DPP6: variants seen among roughly 807,000 people sequenced by gnomAD.
The protein encoded by DPP6 is dipeptidyl peptidase like 6, also known as A-type potassium channel modulatory protein DPP6.
In DPP6, 69 loss-of-function variants were observed where a neutral mutation model predicts 122.6. That is an observed-to-expected ratio of 0.56 (90% CI 0.46 to 0.69). DPP6 has a LOEUF of 0.69. DPP6 is among the 30% of genes least tolerant of loss of function. DPP6 has a pLI of 0.00. For synonymous variants in DPP6, 418 were observed against 433.1 expected (o/e 0.97, Z 0.43); for missense variants, 928 against 1,116.9 (o/e 0.83, Z 2.41).
At chr7:153,913,711 GAA>G (rs1434360137) in intron 1 of DPP6, among the ~76,000 whole-genome samples, 3 of 152,068 alleles carry the variant, frequency 2.0e-5, no homozygotes, top group African/African-American at 7.2e-5. Context: ...TCAGACCTTA[GAA>G]ACATGTTAAA....
chr7:154,250,107 C>G (rs961380171), intron 1 of DPP6, among the ~76,000 whole-genome samples: 1 of 152,182 alleles, frequency 6.6e-6, no homozygotes, highest in Non-Finnish European at 1.5e-5. Context: ...TCACATACCC[C>G]CTGCTTGCTC....
intron 7 of DPP6, among the ~76,000 whole-genome samples, chr7:154,702,864 A>G (rs149106816): frequency 2.0e-4 from 31 of 152,370 alleles, no homozygotes; most frequent in African/African-American, 7.0e-4. Context: ...CTTCTGGAAG[A>G]TGATGCCATC....
In DPP6 at chr7:154,894,258, A is replaced by T. The variant is rs1228865029; in HGVS notation, c.*1778A>T. The T allele has an allele frequency of 6.6e-6, 1 of 152,254 alleles. No individual in the cohort carries two copies. Among genetic ancestry groups the T allele is most frequent in the Non-Finnish European group, 1.5e-5 (1 of 68,058 alleles). 9.4% of individuals were successfully genotyped at this position (152,254 alleles called of 1,614,324 possible). ...GGATGTGGCATGGTAGCGTCTGTTC[A>T]TCCATGGAATAAAACATTATTTTAC... On this transcript the variant is annotated 3_prime_UTR_variant, in exon 26 of 26. Coordinates refer to ENST00000377770, the MANE Select transcript of DPP6 (RefSeq NM_130797.4).
chr7:154,735,175 T>A (rs1842515610), intron 8 of DPP6, among the ~76,000 whole-genome samples: 2 of 152,332 alleles, frequency 1.3e-5, no homozygotes, highest in Admixed American at 1.3e-4. Flanking sequence ...ATGCTATTGA[T>A]ACCATGTTGA....
intron 1 of DPP6, among the ~76,000 whole-genome samples, chr7:153,891,729 G>A (rs1799212898): frequency 6.6e-6 from 1 of 152,208 alleles, no homozygotes; most frequent in Non-Finnish European, 1.5e-5. Flanking sequence ...TGAAGTTGGA[G>A]TAAAGATTAA....
chr7:153,844,892 G>A, the DPP6 span, among the ~76,000 whole-genome samples: 1 of 152,118 alleles, frequency 6.6e-6, no homozygotes, highest in Non-Finnish European at 1.5e-5. Flanking sequence ...AAATGTTTGA[G>A]TATTTGTCAC....
intron 7 of DPP6, among the ~76,000 whole-genome samples, chr7:154,706,945 G>A (rs1487606848): frequency 6.6e-6 from 1 of 152,172 alleles, no homozygotes; most frequent in African/African-American, 2.4e-5. Flanking sequence ...TTGATGTTTT[G>A]AAAGAAGGAA....
intron 8 of DPP6, among the ~76,000 whole-genome samples, chr7:154,731,573 C>T (rs1450328016): frequency 6.6e-6 from 1 of 152,186 alleles, no homozygotes; most frequent in Non-Finnish European, 1.5e-5. Context: ...GCTGTGAACT[C>T]ATCACTGGCT....
intron 1 of DPP6, among the ~76,000 whole-genome samples, chr7:154,065,649 G>T (rs1802658313): frequency 6.6e-6 from 1 of 151,816 alleles, no homozygotes; most frequent in Non-Finnish European, 1.5e-5. Context: ...AGGTATAATG[G>T]CAAAAGGCAC....
intron 1 of DPP6, among the ~76,000 whole-genome samples, chr7:154,166,604 A>G (rs2150719284): frequency 6.8e-6 from 1 of 147,572 alleles, no homozygotes; most frequent in East Asian, 2.0e-4. Context: ...GGAGCACAGT[A>G]TGTACGTTTA....
chr7:154,269,614 C>G (rs1008326131), intron 1 of DPP6, among the ~76,000 whole-genome samples: 10 of 152,334 alleles, frequency 6.6e-5, no homozygotes, highest in African/African-American at 2.2e-4. Context: ...TCCTCCTGAT[C>G]ATGGACAAGT....
intron 1 of DPP6, among the ~76,000 whole-genome samples, chr7:154,174,203 G>A (rs1797680193): frequency 6.6e-6 from 1 of 152,176 alleles, no homozygotes; most frequent in South Asian, 2.1e-4. Context: ...CATGACTTTG[G>A]ACAAATTTCT....
At chr7:153,758,558 C>CT in the DPP6 span, among the ~76,000 whole-genome samples, 6 of 152,182 alleles carry the variant, frequency 3.9e-5, no homozygotes, top group East Asian at 5.8e-4. Context: ...GAAAACCGAT[C>CT]TTTTTTTTCT....
At chr7:154,712,062 T>A (rs1438045818) in intron 7 of DPP6, among the ~76,000 whole-genome samples, 1 of 152,190 alleles carries the variant, frequency 6.6e-6, no homozygotes, top group Non-Finnish European at 1.5e-5. Flanking sequence ...ACTTTTGGAT[T>A]TATTTGACTT....
intron 1 of DPP6, among the ~76,000 whole-genome samples, chr7:154,024,276 G>T (rs3095190): frequency 2.0e-4 from 31 of 152,232 alleles, no homozygotes; most frequent in Admixed American, 9.8e-4. Flanking sequence ...AGTAGATATA[G>T]TTATATGTGA....
intron 16 of DPP6, chr7:154,838,746 C>A (rs1305109807): frequency 6.6e-6 from 1 of 152,234 alleles, no homozygotes; most frequent in Non-Finnish European, 1.5e-5. Flanking sequence ...TTATAAGTGA[C>A]CTCCCTGGAC....
At position 154,760,058 on chromosome 7, in the gene DPP6, G is replaced by A. The variant is rs1166748222; in HGVS notation, c.884-9359G>A. ...GAATCACTTGAACCCAGCAGGCAGA[G>A]GTTGCAGTGAGCAGAAATCATGCCA... is the stretch of plus-strand genomic sequence containing the variant. On this transcript the variant is annotated intron_variant, in intron 8 of 25. Coordinates refer to ENST00000377770, the MANE Select transcript of DPP6 (RefSeq NM_130797.4). The surrounding 1 kb of genome is among the most constrained non-coding windows in gnomAD (Gnocchi z 4.5). 6.6e-6 allele frequency among the ~76,000 whole-genome samples: 1 copy of A among 152,234 alleles called. No individual in the cohort carries two copies. The highest frequency in any genetic ancestry group is 6.5e-5 in the Admixed American group (1 of 15,290).
At chr7:154,397,847 A>AG (rs1279268587) in intron 1 of DPP6, among the ~76,000 whole-genome samples, 5 of 151,930 alleles carry the variant, frequency 3.3e-5, no homozygotes, top group African/African-American at 1.2e-4. Context: ...AAAGCAGCAA[A>AG]GGTGTCTTCT....
At chr7:154,779,351 TCCA>T (rs1303837228) in intron 10 of DPP6, among the ~76,000 whole-genome samples, 33 of 149,554 alleles carry the variant, frequency 2.2e-4, no homozygotes, top group Admixed American at 1.0e-3. Context: ...CACTTCTACT[TCCA>T]CCACCACCAC....
Sources: allele counts gnomAD v4.1 joint callset (sites outside exome capture counted in the v4.1 genomes callset), GRCh38; gene constraint gnomAD v4.1.1; non-coding constraint Gnocchi (gnomAD v3.1); transcripts MANE v1.5; gene names NCBI Gene and HGNC (gene_info 2026-07-23, HGNC 2026-07-21).